The following CDH18 variants were observed in gnomAD, a reference collection of about 807,000 sequenced individuals.
CDH18 encodes cadherin 18.
A neutral mutation model predicts 67.9 loss-of-function variants in CDH18; 31 were observed. The ratio of observed to expected loss-of-function variants is 0.46; its 90% CI spans 0.34 to 0.62. CDH18 has a LOEUF of 0.62. CDH18 is among the 20% of genes least tolerant of loss of function. The pLI is 0.01. For synonymous variants in CDH18, 362 were observed against 347.2 expected, an observed-to-expected ratio of 1.04 and a Z score of -0.48; for missense variants, 890 against 975.5, an observed-to-expected ratio of 0.91 and a Z score of 1.17.
intron 2 of CDH18, among the ~76,000 whole-genome samples, chr5:19,967,731 A>G (rs1489629212): frequency 2.6e-5 from 4 of 152,120 alleles, no homozygotes; most frequent in Admixed American, 1.3e-4. Flanking sequence ...CACAGCCAAT[A>G]TCATACTGAA....
intron 2 of CDH18, among the ~76,000 whole-genome samples, chr5:20,038,749 C>G (rs1283722035): frequency 6.6e-6 from 1 of 152,034 alleles, no homozygotes; most frequent in Non-Finnish European, 1.5e-5. Context: ...ACTTAATGGG[C>G]AAAAACTGGA....
chr5:20,171,577 T>A (rs993458708), intron 2 of CDH18, among the ~76,000 whole-genome samples: 3 of 152,086 alleles, frequency 2.0e-5, no homozygotes, highest in African/African-American at 7.2e-5. Context: ...TGTTTTTTTC[T>A]TGTAAATTTG....
At chr5:20,414,070 G>A (rs2150148183) in intron 1 of CDH18, among the ~76,000 whole-genome samples, 1 of 152,252 alleles carries the variant, frequency 6.6e-6, no homozygotes, top group Non-Finnish European at 1.5e-5. Context: ...TTTGAGAAAA[G>A]GGAACACTTA....
intron 1 of CDH18, among the ~76,000 whole-genome samples, chr5:20,445,277 AT>A (rs1171555664): frequency 6.6e-6 from 1 of 152,166 alleles, no homozygotes; most frequent in Non-Finnish European, 1.5e-5. Flanking sequence ...TGATTATCCG[AT>A]TTCTTAAACA....
intron 1 of CDH18, among the ~76,000 whole-genome samples, chr5:20,377,911 T>G (rs959772611): frequency 2.0e-5 from 3 of 151,558 alleles, no homozygotes; most frequent in Non-Finnish European, 4.4e-5. Flanking sequence ...ATATTTTAAC[T>G]TCTCAATTAT....
At chr5:20,279,725 A>AACAAAAAAC (rs1746091417) in intron 1 of CDH18, among the ~76,000 whole-genome samples, 1 of 128,788 alleles carries the variant, frequency 7.8e-6, no homozygotes, top group East Asian at 2.4e-4. Context: ...AAAAAAAAAA[A>AACAAAAAAC]AAAGCAAAAA....
chr5:19,526,011 A>C (rs1747700658), intron 9 of CDH18, among the ~76,000 whole-genome samples: 1 of 152,180 alleles, frequency 6.6e-6, no homozygotes, highest in Non-Finnish European at 1.5e-5. Context: ...AAATCATGCA[A>C]ACATAAATAT....
At chr5:19,924,362 T>A (rs1332844217) in intron 2 of CDH18, among the ~76,000 whole-genome samples, 2 of 152,118 alleles carry the variant, frequency 1.3e-5, no homozygotes, top group Non-Finnish European at 2.9e-5. Context: ...TTTGGCCAGT[T>A]GTGGTGGCTC....
At chr5:20,501,476 TAC>T (rs1475304305) in intron 1 of CDH18, among the ~76,000 whole-genome samples, 2 of 89,788 alleles carry the variant, frequency 2.2e-5, no homozygotes, top group Non-Finnish European at 2.3e-5. Context: ...ATATATTATA[TAC>T]ATATTATATA....
upstream of CDH18, among the ~76,000 whole-genome samples, chr5:19,989,199 C>T (rs55744389): frequency 4.6e-5 from 7 of 152,272 alleles, no homozygotes; most frequent in South Asian, 1.4e-3. Context: ...AGGAGTTTAT[C>T]TAAATTGAAT....
At chr5:20,172,214 A>ATATACG (rs1554098759) in intron 2 of CDH18, among the ~76,000 whole-genome samples, 1 of 32,860 alleles carries the variant, frequency 3.0e-5, no homozygotes, top group South Asian at 9.3e-4. Flanking sequence ...ATATATATAT[A>ATATACG]TATATATATG....
At chr5:19,841,955 G>T (rs949680119) in intron 2 of CDH18, among the ~76,000 whole-genome samples, 3 of 152,072 alleles carry the variant, frequency 2.0e-5, no homozygotes, top group Non-Finnish European at 2.9e-5. Context: ...TCACTACAGC[G>T]CTTATGGAGA....
intron 1 of CDH18, among the ~76,000 whole-genome samples, chr5:20,351,249 T>C (rs1561995271): frequency 8.2e-6 from 1 of 122,362 alleles, no homozygotes; most frequent in Admixed American, 7.6e-5. Flanking sequence ...TCCATGGGGG[T>C]TGTTTTTTTT....
intron 2 of CDH18, among the ~76,000 whole-genome samples, chr5:19,993,978 T>G (rs1800128847): frequency 6.6e-6 from 1 of 152,198 alleles, no homozygotes; most frequent in Admixed American, 6.5e-5. Flanking sequence ...ATTGGCAGAC[T>G]ATTAAAAGTA....
intron 5 of CDH18, among the ~76,000 whole-genome samples, chr5:19,703,232 G>GA (rs983843349): frequency 2.0e-5 from 3 of 152,096 alleles, no homozygotes; most frequent in African/African-American, 7.2e-5. Context: ...TGGGTCGAAG[G>GA]GTTGCCAGAG....
At chr5:20,505,923 G>C (rs1164359304) in intron 1 of CDH18, among the ~76,000 whole-genome samples, 1 of 152,178 alleles carries the variant, frequency 6.6e-6, no homozygotes, top group African/African-American at 2.4e-5. Context: ...TGGCCCATCA[G>C]TTAGGACACC....
At chr5:20,519,743 G>A (rs1247621933) in intron 1 of CDH18, among the ~76,000 whole-genome samples, 2 of 151,438 alleles carry the variant, frequency 1.3e-5, no homozygotes, top group Non-Finnish European at 2.9e-5. Context: ...TTAAGTTGTA[G>A]GATCAGCAGG....
intron 2 of CDH18, among the ~76,000 whole-genome samples, chr5:20,171,374 A>T (rs1438566171): frequency 6.6e-6 from 1 of 152,066 alleles, no homozygotes; most frequent in Non-Finnish European, 1.5e-5. Context: ...CCTAGCCAGC[A>T]TCTATTATTT....
chr5:20,242,154 C>A (rs1441649391), intron 2 of CDH18, among the ~76,000 whole-genome samples: 5 of 151,362 alleles, frequency 3.3e-5, no homozygotes, highest in South Asian at 2.1e-4. Flanking sequence ...AAATTTTATT[C>A]TTTTCTGAAT....
Sources: gnomAD v4.1 joint callset for allele counts (sites outside exome capture counted in the v4.1 genomes callset) on GRCh38, gnomAD v4.1.1 for gene constraint, MANE v1.5 for transcripts, NCBI Gene and HGNC (gene_info 2026-07-23, HGNC 2026-07-21) for gene names.